The following PREP variants were observed in gnomAD, a reference collection of about 807,000 sequenced individuals.
PREP encodes dJ355L5.1 (prolyl endopeptidase).
A neutral mutation model predicts 87.6 loss-of-function variants in PREP; 29 were observed. The ratio of observed to expected loss-of-function variants is 0.33; its 90% CI spans 0.25 to 0.45. The LOEUF (loss-of-function observed/expected upper bound fraction) is 0.45, where lower values mean the gene tolerates loss of function less well. Among genes scored for constraint, PREP ranks in the 20% least tolerant of loss-of-function variants. The probability of loss-of-function intolerance (pLI) is 1.00; values close to 1 mark genes in which losing one functional copy is unlikely to be tolerated. For missense variants in PREP, 695 were observed against 886.5 expected, an observed-to-expected ratio of 0.78 and a Z score of 2.74; for synonymous variants, 337 against 328.6, an observed-to-expected ratio of 1.03 and a Z score of -0.28.
intron 4 of PREP, among the ~76,000 whole-genome samples, chr6:105,374,425 AAGCTCAAC>A (rs1772634389): frequency 6.6e-6 from 1 of 152,012 alleles, no homozygotes; most frequent in Non-Finnish European, 1.5e-5. Context: ...AAATTTTAAG[AAGCTCAAC>A]TATTATTAGA....
Position 105,281,823 on chromosome 6 carries a change from A to G in PREP, c.1761T>C (p.His587=), listed in dbSNP as rs1770088368. Reference sequence around the variant, plus strand: ...TCCAAGCATGGCCGATGGTATATTTATGAAACTTCAGCATGTCCATTACTC... The same window carrying G: ...TCCAAGCATGGCCGATGGTATATTTGTGAAACTTCAGCATGTCCATTACTC... ...QVGVMDMLKF[H]KYTIGHAWTT... Residue 587 remains histidine, a synonymous_variant, in exon 14 of 15, where the codon CAT becomes CAC. Coordinates refer to ENST00000652536, the MANE Select transcript of PREP (RefSeq NM_002726.5). The G allele has an allele frequency of 6.2e-7, 1 of 1,614,092 alleles. No individual in the cohort carries two copies. The highest frequency in any genetic ancestry group is 1.3e-5 in the African/African-American group (1 of 74,928).
chr6:105,275,436 G>A lies in PREP; in HGVS notation c.*2708C>T, dbSNP rs1351568744. Among the ~76,000 whole-genome samples the A allele has an allele frequency of 1.3e-5, 2 of 152,178 alleles. No homozygotes were observed. Among genetic ancestry groups the A allele is most frequent in the Non-Finnish European group, 2.9e-5 (2 of 68,040 alleles). ...ATAAATGTGACTTTATCTTGCTAAG[G>A]TAACAAATGCTCTGGTGTGCTTAGC... On this transcript the variant is annotated 3_prime_UTR_variant, in exon 15 of 15. Transcript: ENST00000652536.
chr6:105,348,932 C>G (rs896445820), intron 7 of PREP, among the ~76,000 whole-genome samples: 1 of 151,904 alleles, frequency 6.6e-6, no homozygotes, highest in African/African-American at 2.4e-5. Context: ...AGGGACCTCT[C>G]TTCTCCCAAA....
chr6:105,376,872 G>A (rs1253539489), intron 3 of PREP, among the ~76,000 whole-genome samples: 1 of 152,222 alleles, frequency 6.6e-6, no homozygotes, highest in Non-Finnish European at 1.5e-5. Context: ...CTGTAAGAAT[G>A]GCAGAGGGCT....
chr6:105,354,699 C>G (rs1772045627), intron 6 of PREP, among the ~76,000 whole-genome samples: 1 of 152,140 alleles, frequency 6.6e-6, no homozygotes, highest in Non-Finnish European at 1.5e-5. Context: ...AACTAGAACT[C>G]TTCCTTGAGT....
chr6:105,291,791 A>C (rs1770302258), intron 10 of PREP, among the ~76,000 whole-genome samples: 1 of 152,222 alleles, frequency 6.6e-6, no homozygotes, highest in Non-Finnish European at 1.5e-5. Flanking sequence ...TTCTTTCAAA[A>C]TTGGAGTCAA....
At position 105,285,610 on chromosome 6, in the gene PREP, C is replaced by A; in HGVS notation, c.1455-30G>T. ...GAAGCAGTAAAAACAGTTAACCTTCCATTAACTGCCTAGTGAAGACCATGC... is the reference window on the plus strand; with the variant it reads ...GAAGCAGTAAAAACAGTTAACCTTCAATTAACTGCCTAGTGAAGACCATGC... On this transcript the variant is annotated intron_variant, in intron 11 of 14. Transcript: ENST00000652536. 2 of 1,553,786 alleles carry A rather than the reference C, an allele frequency of 1.3e-6. 1 individual carries two copies. The highest frequency in any genetic ancestry group is 2.2e-5 in the South Asian group (2 of 89,702).
intron 10 of PREP, among the ~76,000 whole-genome samples, chr6:105,320,126 A>G (rs1187751808): frequency 5.9e-5 from 9 of 152,234 alleles, no homozygotes; most frequent in Admixed American, 5.2e-4. Flanking sequence ...CAATATTTCA[A>G]CTTCTTTTTA....
At chr6:105,353,664 C>T (rs989261316) in intron 6 of PREP, among the ~76,000 whole-genome samples, 15 of 148,866 alleles carry the variant, frequency 1.0e-4, no homozygotes, top group African/African-American at 3.3e-4. Context: ...CCCAGCTACT[C>T]GGGAGACTGA....
intron 5 of PREP, among the ~76,000 whole-genome samples, chr6:105,369,936 C>T (rs1036063262): frequency 2.0e-5 from 3 of 152,138 alleles, no homozygotes; most frequent in African/African-American, 7.2e-5. Flanking sequence ...CATTATATAT[C>T]ATTAGGGAAA....
In PREP at chr6:105,402,912, C is replaced by A; in HGVS notation, c.-21G>T. ...AGCATGGCCGGGGACAGGCAGGGGG[C>A]AGCGTGGAGGGGCGCGGGCTCCGGG... On this transcript the variant is annotated 5_prime_UTR_variant, in exon 1 of 15. Transcript: ENST00000652536. 1 of 1,445,466 alleles carries A rather than the reference C, an allele frequency of 6.9e-7. No homozygotes were observed. The highest frequency in any genetic ancestry group is 1.3e-5 in the South Asian group (1 of 76,902). The allele number at this position is 1,445,466 out of a possible 1,614,324, so 89.5% of individuals were successfully genotyped here. A position where few individuals can be genotyped will look rare whatever the true frequency, so the allele number is the denominator to read the frequency against.
intron 10 of PREP, among the ~76,000 whole-genome samples, chr6:105,321,387 C>T (rs997486621): frequency 5.8e-4 from 89 of 152,300 alleles, no homozygotes; most frequent in African/African-American, 2.0e-3. Flanking sequence ...GAGCCAGGTA[C>T]AGGGAAATTC....
chr6:105,354,038 T>C (rs962022266), intron 6 of PREP, among the ~76,000 whole-genome samples: 10 of 152,180 alleles, frequency 6.6e-5, no homozygotes, highest in Admixed American at 6.5e-4. Context: ...TGACAAAAAA[T>C]GTGGTATCAA....
intron 10 of PREP, among the ~76,000 whole-genome samples, chr6:105,295,861 T>C (rs1562190060): frequency 6.6e-6 from 1 of 152,244 alleles, no homozygotes; most frequent in African/African-American, 2.4e-5. Flanking sequence ...TAATATTTCA[T>C]TCTACAGATG....
intron 10 of PREP, among the ~76,000 whole-genome samples, chr6:105,299,361 G>A (rs1366514995): frequency 1.3e-5 from 2 of 152,196 alleles, no homozygotes; most frequent in African/African-American, 2.4e-5. Flanking sequence ...AACTTTGGGA[G>A]GCCAAGACGG....
In PREP at chr6:105,310,616, T is replaced by C. The variant is rs143984127; in HGVS notation, c.1317+13049A>G. Reference sequence around the variant, plus strand: ...TCTGTTGGTTCAGCTCTCACCTCCCTGGCTGCTGCTTCTCAGGCTCCTTTG... The same window carrying C: ...TCTGTTGGTTCAGCTCTCACCTCCCCGGCTGCTGCTTCTCAGGCTCCTTTG... On this transcript the variant is annotated intron_variant, in intron 10 of 14. Transcript: ENST00000652536. Among the ~76,000 whole-genome samples the C allele has an allele frequency of 2.6e-3, 403 of 152,288 alleles. 1 individual carries two copies. The highest frequency in any genetic ancestry group is 9.0e-3 in the African/African-American group (376 of 41,560).
chr6:105,373,225 G>T, intron 5 of PREP, 144 bp downstream of exon 5: 1 of 906,794 alleles, frequency 1.1e-6, no homozygotes, highest in Non-Finnish European at 1.7e-6. Context: ...CTATTACACA[G>T]CAAAGCCAAC....
At chr6:105,386,372 G>C (rs1772995202) in intron 2 of PREP, among the ~76,000 whole-genome samples, 1 of 152,148 alleles carries the variant, frequency 6.6e-6, no homozygotes, top group African/African-American at 2.4e-5. Flanking sequence ...CAATGTATGA[G>C]AGACCCAGGG....
At chr6:105,337,369 T>C (rs1179471215) in intron 7 of PREP, among the ~76,000 whole-genome samples, 1 of 152,230 alleles carries the variant, frequency 6.6e-6, no homozygotes, top group Non-Finnish European at 1.5e-5. Flanking sequence ...ATCCTTGGCA[T>C]GAGGATTTTG....
Sources: gnomAD v4.1 joint callset for allele counts (sites outside exome capture counted in the v4.1 genomes callset) on GRCh38, gnomAD v4.1.1 for gene constraint, MANE v1.5 for transcripts, NCBI Gene and HGNC (gene_info 2026-07-23, HGNC 2026-07-21) for gene names.